Variants in FOLR3 observed in about 807,000 individuals in gnomAD.
FOLR3 encodes folate receptor 3 (gamma).
In FOLR3, 9 loss-of-function variants were observed where a neutral mutation model predicts 20.0. That is an observed-to-expected ratio of 0.45 (90% CI 0.27 to 0.79). The LOEUF is 0.79. Ranked by LOEUF, FOLR3 falls within the 30% of genes least tolerant of loss-of-function variation. FOLR3 has a pLI of 0.15. For missense variants in FOLR3, 309 were observed against 323.5 expected, an observed-to-expected ratio of 0.96 and a Z score of 0.34; for synonymous variants, 124 against 115.5, an observed-to-expected ratio of 1.07 and a Z score of -0.47.
rs538735738 is a variant in FOLR3, at chr11:72,135,975, T to G, written c.23T>G (p.Met8Arg). 4 of 1,613,846 alleles carry G rather than the reference T, an allele frequency of 2.5e-6. No individual in the cohort carries two copies. In the African/African-American group the frequency reaches 5.3e-5, roughly 22 times the overall value. The part of the protein sequence containing the change: MDMAWQM[M>R]QLLLLALVTA... ...TAGATGGACATGGCCTGGCAGATGA[T>G]GCAGCTGCTGCTTCTGGCTTTGGTG... Residue 8 changes from methionine to arginine, a missense_variant, in exon 2 of 5, where the codon ATG becomes AGG. By Grantham distance (91) the Met-to-Arg change is moderately conservative. Coordinates refer to ENST00000611028, the MANE Select transcript of FOLR3 (RefSeq NM_000804.4).
At position 72,139,804 on chromosome 11, in the gene FOLR3, C is replaced by A. The variant is rs1396303899; in HGVS notation, c.711C>A (p.Ala237=). Reference sequence around the variant, plus strand: ...ATGCTGCGGCCATGAATGCTGGGGCCCCGTCTCGTGGGATTATTGATTCCT... The same window carrying A: ...ATGCTGCGGCCATGAATGCTGGGGCACCGTCTCGTGGGATTATTGATTCCT... ...KFYAAAMNAG[A]PSRGIIDS The change falls in exon 5 of 5, where the codon GCC becomes GCA. Residue 237 remains alanine, a synonymous_variant. Transcript: ENST00000611028. 6.2e-7 allele frequency: 1 copy of A among 1,613,962 alleles called. No individual in the cohort carries two copies. The highest frequency in any genetic ancestry group is 1.1e-5 in the South Asian group (1 of 91,082).
Position 72,139,017 on chromosome 11 carries a change from C to T in FOLR3, c.225C>T (p.His75=), listed in dbSNP as rs201489135. The change falls in exon 3 of 5, where the codon CAC becomes CAT. Residue 75 remains histidine, a synonymous_variant. Coordinates refer to ENST00000611028, the MANE Select transcript of FOLR3 (RefSeq NM_000804.4). ...CGGCCAGCACCAGCCAGGAGCTGCA[C>T]AAGGACACCTCCCGCCTGTACAACT... ...CCTASTSQEL[H]KDTSRLYNFN... 1.1e-5 allele frequency: 18 copies of T among 1,613,974 alleles called. No individual in the cohort carries two copies. Among genetic ancestry groups the T allele is most frequent in the Non-Finnish European group, 1.4e-5 (16 of 1,179,882 alleles).
At position 72,138,821 on chromosome 11, in the gene FOLR3, C is replaced by G. The variant is rs1303843851; in HGVS notation, c.169-140C>G. ...CGGAAAGCACCAATATTGTAATTGCCTCCGTCCCCAGGTGGGAGCTCCTCA... is the reference window on the plus strand; with the variant it reads ...CGGAAAGCACCAATATTGTAATTGCGTCCGTCCCCAGGTGGGAGCTCCTCA... On this transcript the variant is annotated intron_variant, in intron 2 of 4. Transcript: ENST00000611028. 4 of 911,980 alleles carry G rather than the reference C, an allele frequency of 4.4e-6. No homozygotes were observed. In the East Asian group the frequency reaches 7.9e-5, roughly 18 times the overall value. 56.5% of individuals were successfully genotyped at this position (911,980 alleles called of 1,614,324 possible). A position where few individuals can be genotyped will look rare whatever the true frequency, so the allele number is the denominator to read the frequency against.
chr11:72,137,376 C>G (rs922862052), intron 2 of FOLR3, among the ~76,000 whole-genome samples: 2 of 152,010 alleles, frequency 1.3e-5, no homozygotes, highest in Admixed American at 6.6e-5. Flanking sequence ...CAGGATCTAT[C>G]TAGAGTCTCC....
chr11:72,136,123 G>T lies in FOLR3; in HGVS notation c.168+3G>T. On this transcript the variant is annotated splice_donor_region_variant and intron_variant, in intron 2 of 4. Coordinates refer to ENST00000611028, the MANE Select transcript of FOLR3 (RefSeq NM_000804.4). ...CCGAGGACGAGCTGTATGGCCAGGT[G>T]AGGGCAGCCTGGTGTAGGACAGCAT... The T allele has an allele frequency of 6.2e-7, 1 of 1,614,086 alleles. No individual in the cohort carries two copies. The highest frequency in any genetic ancestry group is 8.5e-7 in the Non-Finnish European group (1 of 1,179,920).
At chr11:72,136,214 C>T in intron 2 of FOLR3, 94 bp downstream of exon 2, 8 of 1,467,694 alleles carry the variant, frequency 5.5e-6, no homozygotes, top group Admixed American at 3.6e-5. Context: ...CCAAGGGTGC[C>T]GCTGCTGACA....
chr11:72,139,791 TG>T lies in FOLR3; in HGVS notation c.699del (p.Met233IlefsTer28). 1 of 1,614,044 alleles carries T rather than the reference TG, an allele frequency of 6.2e-7. No individual in the cohort carries two copies. The highest frequency in any genetic ancestry group is 8.5e-7 in the Non-Finnish European group (1 of 1,179,920). On this transcript the variant is annotated frameshift_variant, in exon 5 of 5. Coordinates refer to ENST00000611028, the MANE Select transcript of FOLR3 (RefSeq NM_000804.4). LOFTEE classifies it low-confidence loss of function (END_TRUNC). ...GTGGCCAAGTTCTATGCTGCGGCCA[TG>T]AATGCTGGGGCCCCGTCTCGTGGGA... ...EEVAKFYAAA[M>X]NAGAPSRGII...
At position 72,139,669 on chromosome 11, in the gene FOLR3, C is replaced by T. The variant is rs748140467; in HGVS notation, c.576C>T (p.Leu192=). 3.3e-4 allele frequency: 525 copies of T among 1,613,506 alleles called. 1 individual carries two copies. Among genetic ancestry groups the T allele is most frequent in the Non-Finnish European group, 4.2e-4 (493 of 1,179,924 alleles). ...FPTPAALCEG[L]WSHSFKVSNY... Reference sequence around the variant, plus strand: ...CTCCAGCCGCCCTTTGTGAAGGCCTCTGGAGCCACTCCTTCAAGGTCAGCA... The same window carrying T: ...CTCCAGCCGCCCTTTGTGAAGGCCTTTGGAGCCACTCCTTCAAGGTCAGCA... Residue 192 remains leucine (L), a synonymous_variant, in exon 5 of 5, where the codon CTC becomes CTT. Transcript: ENST00000611028.
At position 72,139,655 on chromosome 11, in the gene FOLR3, CT is replaced by C. The variant is rs1000335892; in HGVS notation, c.565del (p.Cys189ValfsTer45). 22 of 1,613,450 alleles carry C rather than the reference CT, an allele frequency of 1.4e-5. No homozygotes were observed. Among genetic ancestry groups the C allele is most frequent in the Non-Finnish European group, 1.9e-5 (22 of 1,179,894 alleles). The part of the protein sequence containing the change: ...FESYFPTPAA[L>X]CEGLWSHSFK... ...GTCCTACTTCCCCACTCCAGCCGCC[CT>C]TTGTGAAGGCCTCTGGAGCCACTCC... is the stretch of plus-strand genomic sequence containing the variant. On this transcript the variant is annotated frameshift_variant, in exon 5 of 5. Coordinates refer to ENST00000611028, the MANE Select transcript of FOLR3 (RefSeq NM_000804.4). LOFTEE classifies it low-confidence loss of function (END_TRUNC).
chr11:72,138,643 T>C (rs934712113), intron 2 of FOLR3, among the ~76,000 whole-genome samples: 6 of 152,004 alleles, frequency 3.9e-5, no homozygotes, highest in Admixed American at 3.3e-4. Flanking sequence ...CATGGTGGCA[T>C]GTGCCTGAAT....
Position 72,139,330 on chromosome 11 carries a change from G to C in FOLR3, c.358-17G>C, listed in dbSNP as rs367858629. ...GATACGTGGCTGACAGGAGTATTCTGTCTCCTCCCCACTCAGGTCAACCAG... is the reference window on the plus strand; with the variant it reads ...GATACGTGGCTGACAGGAGTATTCTCTCTCCTCCCCACTCAGGTCAACCAG... On this transcript the variant is annotated splice_polypyrimidine_tract_variant and intron_variant, in intron 3 of 4. Coordinates refer to ENST00000611028, the MANE Select transcript of FOLR3 (RefSeq NM_000804.4). 18 of 1,609,314 alleles carry C rather than the reference G, an allele frequency of 1.1e-5. No homozygotes were observed. The highest frequency in any genetic ancestry group is 1.6e-4 in the Middle Eastern group (1 of 6,080).
chr11:72,139,678 C>G lies in FOLR3; in HGVS notation c.585C>G (p.His195Gln). The part of the protein sequence containing the change: ...PAALCEGLWS[H>Q]SFKVSNYSRG... ...CCCTTTGTGAAGGCCTCTGGAGCCA[C>G]TCCTTCAAGGTCAGCAACTATAGTC... Residue 195 changes from histidine to glutamine, a missense_variant, in exon 5 of 5, where the codon CAC becomes CAG. Coordinates refer to ENST00000611028, the MANE Select transcript of FOLR3 (RefSeq NM_000804.4). 4 of 1,613,556 alleles carry G rather than the reference C, an allele frequency of 2.5e-6. No homozygotes were observed.
rs745613621 is a variant in FOLR3, at chr11:72,136,033, G to T, written c.81G>T (p.Ala27=). Residue 27 remains alanine, a synonymous_variant, in exon 2 of 5, where the codon GCG becomes GCT. Transcript: ENST00000611028. ...TAAGSAQPRS[A]RARTDLLNVC... ...CGGGGAGTGCCCAGCCCAGGAGTGCGCGGGCCAGGACGGACCTGCTCAATG... is the reference window on the plus strand; with the variant it reads ...CGGGGAGTGCCCAGCCCAGGAGTGCTCGGGCCAGGACGGACCTGCTCAATG... 2 of 1,613,954 alleles carry T rather than the reference G, an allele frequency of 1.2e-6. No homozygotes were observed. Among genetic ancestry groups the T allele is most frequent in the Non-Finnish European group, 1.7e-6 (2 of 1,179,866 alleles).
rs377298331 is a variant in FOLR3, at chr11:72,139,571, C to T, written c.494-16C>T. 6.8e-5 allele frequency: 109 copies of T among 1,613,796 alleles called. No individual in the cohort carries two copies. The highest frequency in any genetic ancestry group is 5.0e-4 in the Middle Eastern group (3 of 6,036). ...TCTGGCCCAGAAGCTAAGGGTCTTA[C>T]GTTCTCCTCCCTCAGGGATTAATGA... On this transcript the variant is annotated splice_polypyrimidine_tract_variant and intron_variant, in intron 4 of 4. Coordinates refer to ENST00000611028, the MANE Select transcript of FOLR3 (RefSeq NM_000804.4).
chr11:72,136,164 G>A, intron 2 of FOLR3, 44 bp downstream of exon 2: 1 of 1,604,152 alleles, frequency 6.2e-7, no homozygotes, highest in Non-Finnish European at 8.5e-7. Flanking sequence ...CAGGTCAGAG[G>A]GTGATGGCAC....
At chr11:72,136,275 G>A (rs1947741438) in intron 2 of FOLR3, among the ~76,000 whole-genome samples, 155 bp downstream of exon 2, 1 of 152,188 alleles carries the variant, frequency 6.6e-6, no homozygotes, top group East Asian at 1.9e-4. Context: ...AGGCCACTGA[G>A]GCAGCTTGGG....
chr11:72,139,552 C>T, intron 4 of FOLR3, 35 bp from the exon 5 acceptor site: 1 of 1,613,108 alleles, frequency 6.2e-7, no homozygotes. Context: ...GCGGTCTGGC[C>T]CAGAAGCTAA....
At position 72,139,711 on chromosome 11, in the gene FOLR3, C is replaced by T. The variant is rs375347410; in HGVS notation, c.618C>T (p.Ser206=). 4.8e-5 allele frequency: 77 copies of T among 1,613,914 alleles called. No homozygotes were observed. Among genetic ancestry groups the T allele is most frequent in the African/African-American group, 3.7e-4 (28 of 75,028 alleles). Residue 206 remains serine (S), a synonymous_variant, in exon 5 of 5, where the codon AGC becomes AGT. Coordinates refer to ENST00000611028, the MANE Select transcript of FOLR3 (RefSeq NM_000804.4). ...AGGTCAGCAACTATAGTCGAGGGAG[C>T]GGCCGCTGCATCCAGATGTGGTTTG... ...SFKVSNYSRG[S]GRCIQMWFDS... is the part of the protein sequence containing the mutation.
rs749285461 is a variant in FOLR3 at position 72,139,347 on chromosome 11, G to A, written c.358G>A (p.Val120Ile). Residue 120 changes from valine (V) to isoleucine (I), a missense_variant and splice_region_variant, in exon 4 of 5, where the codon GTC becomes ATC. Val to Ile is a conservative substitution (Grantham distance 29, BLOSUM62 3). Coordinates refer to ENST00000611028, the MANE Select transcript of FOLR3 (RefSeq NM_000804.4). Reference sequence around the variant, plus strand: ...AGTATTCTGTCTCCTCCCCACTCAGGTCAACCAGAGCTGGCGCAAAGAGCG... The same window carrying A: ...AGTATTCTGTCTCCTCCCCACTCAGATCAACCAGAGCTGGCGCAAAGAGCG... ...SPNLGPWIRQ[V>I]NQSWRKERIL... 8 of 1,610,942 alleles carry A rather than the reference G, an allele frequency of 5.0e-6. No individual in the cohort carries two copies. The African/African-American group carries it at 9.4e-5, about 19-fold the overall frequency.
Sources: allele counts gnomAD v4.1 joint callset (sites outside exome capture counted in the v4.1 genomes callset), GRCh38; gene constraint gnomAD v4.1.1; transcripts MANE v1.5; gene names NCBI Gene and HGNC (gene_info 2026-07-23, HGNC 2026-07-21).